Variants in DNM3 observed in about 807,000 individuals in gnomAD.
DNM3 encodes the protein dynamin-3.
In DNM3, 47 loss-of-function variants were observed where a neutral mutation model predicts 101.6. The ratio of observed to expected loss-of-function variants is 0.46; its 90% confidence interval spans 0.37 to 0.59. The LOEUF is 0.59. DNM3 is among the 20% of genes least tolerant of loss of function. The probability of loss-of-function intolerance (pLI) is 0.00; values close to 1 mark genes in which losing one functional copy is unlikely to be tolerated. For missense variants in DNM3, 849 were observed against 1,085.7 expected (o/e 0.78, Z 3.06); for synonymous variants, 385 against 387.9 (o/e 0.99, Z 0.09).
At chr1:171,922,044 A>G (rs1312935198) in intron 2 of DNM3, among the ~76,000 whole-genome samples, 1 of 152,144 alleles carries the variant, frequency 6.6e-6, no homozygotes, top group Non-Finnish European at 1.5e-5. Flanking sequence ...CCTACTTAAA[A>G]AAATGTTTTA....
chr1:172,398,615 T>C (rs1260843480), intron 20 of DNM3, among the ~76,000 whole-genome samples: 1 of 152,214 alleles, frequency 6.6e-6, no homozygotes, highest in Non-Finnish European at 1.5e-5. Context: ...CTTTCATTTA[T>C]AAACATTTTG....
chr1:172,316,918 C>G (rs1340935899), intron 16 of DNM3, among the ~76,000 whole-genome samples: 2 of 152,170 alleles, frequency 1.3e-5, no homozygotes, highest in East Asian at 1.9e-4. Context: ...CTCTCCACCC[C>G]AAATCAATAG....
At chr1:171,851,660 C>A (rs960373668) in intron 1 of DNM3, among the ~76,000 whole-genome samples, 1 of 152,166 alleles carries the variant, frequency 6.6e-6, no homozygotes, top group South Asian at 2.1e-4. Flanking sequence ...GTGATTTGCC[C>A]GCCTCTGCCT....
intron 14 of DNM3, among the ~76,000 whole-genome samples, chr1:172,162,180 A>C (rs1057262573): frequency 6.6e-6 from 1 of 152,100 alleles, no homozygotes; most frequent in Admixed American, 6.6e-5. Context: ...ATTGAGAAAC[A>C]ATGTGTAATT....
At chr1:172,127,628 C>T (rs1411005478) in intron 13 of DNM3, among the ~76,000 whole-genome samples, 2 of 151,748 alleles carry the variant, frequency 1.3e-5, no homozygotes, top group East Asian at 1.9e-4. Context: ...CCAGGATGGT[C>T]TCGATCCCCT....
chr1:171,937,508 G>T (rs1397393840), intron 2 of DNM3, among the ~76,000 whole-genome samples: 1 of 152,112 alleles, frequency 6.6e-6, no homozygotes, highest in African/African-American at 2.4e-5. Context: ...CAGACTCCTG[G>T]ACATCACCCC....
In DNM3 at chr1:172,075,095, T is replaced by G. The variant is rs1261808202; in HGVS notation, c.1422+6190T>G. On this transcript the variant is annotated intron_variant, in intron 11 of 20. Transcript: ENST00000627582. ...TGATGATGAGCTTTTTTTTCATATGTTTGTTGGCTGCATAAATGTCTTCTT... is the reference window on the plus strand; with the variant it reads ...TGATGATGAGCTTTTTTTTCATATGGTTGTTGGCTGCATAAATGTCTTCTT... 2.0e-5 allele frequency among the ~76,000 whole-genome samples: 3 copies of G among 152,220 alleles called. No homozygotes were observed. The East Asian group carries it at 5.8e-4, about 29-fold the overall frequency.
At chr1:172,389,518 A>C (rs989604676) in intron 20 of DNM3, among the ~76,000 whole-genome samples, 4 of 152,204 alleles carry the variant, frequency 2.6e-5, no homozygotes, top group African/African-American at 9.7e-5. Context: ...CTGTAGTCTC[A>C]CCTTCATATA....
intron 17 of DNM3, among the ~76,000 whole-genome samples, chr1:172,368,304 A>T (rs2068135454): frequency 6.6e-6 from 1 of 151,934 alleles, no homozygotes; most frequent in African/African-American, 2.4e-5. Context: ...ATAAAACTAG[A>T]AATCAAAATC....
At chr1:172,380,390 T>A (rs2068831254) in intron 18 of DNM3, among the ~76,000 whole-genome samples, 1 of 152,110 alleles carries the variant, frequency 6.6e-6, no homozygotes, top group South Asian at 2.1e-4. Context: ...CCATGATCTC[T>A]GCATTCCTTG....
intron 1 of DNM3, among the ~76,000 whole-genome samples, chr1:171,862,995 G>A (rs1018724369): frequency 4.6e-5 from 7 of 151,636 alleles, no homozygotes; most frequent in Admixed American, 4.6e-4. Flanking sequence ...ACAGTGTGTA[G>A]ATAACTCTTC....
chr1:172,160,030 GA>G (rs1444119051), intron 14 of DNM3, among the ~76,000 whole-genome samples: 1 of 126,470 alleles, frequency 7.9e-6, no homozygotes, highest in African/African-American at 2.9e-5. Context: ...GCCTAACAAA[GA>G]AAAACTACAG....
intron 4 of DNM3, among the ~76,000 whole-genome samples, chr1:172,019,960 T>A (rs548833751): frequency 6.6e-6 from 1 of 151,960 alleles, no homozygotes; most frequent in African/African-American, 2.4e-5. Context: ...AACATTAGAG[T>A]TAGAGTTCTG....
intron 1 of DNM3, among the ~76,000 whole-genome samples, chr1:171,871,530 G>A (rs988437746): frequency 1.3e-5 from 2 of 152,112 alleles, no homozygotes; most frequent in African/African-American, 2.4e-5. Context: ...TAGGATTCTC[G>A]CAAGAACTGT....
chr1:171,886,160 G>T (rs1025135660), intron 1 of DNM3, among the ~76,000 whole-genome samples: 2 of 152,130 alleles, frequency 1.3e-5, no homozygotes, highest in Admixed American at 6.5e-5. Context: ...CTGAAATGTT[G>T]GTTCTTGTAA....
rs144321720 is a variant in DNM3, at chr1:172,126,463, C to A, written c.1546-4712C>A. Among the ~76,000 whole-genome samples, 1,078 of 152,164 alleles carry A rather than the reference C, an allele frequency of 7.1e-3. 9 individuals are homozygous for A. The highest frequency in any genetic ancestry group is 0.014 in the Middle Eastern group (4 of 294). ...TATGTCCATTCTTTGAAAATTTTAACTGTTATTAGTAAAATTTTTAAATTT... is the reference window on the plus strand; with the variant it reads ...TATGTCCATTCTTTGAAAATTTTAAATGTTATTAGTAAAATTTTTAAATTT... On this transcript the variant is annotated intron_variant, in intron 13 of 20. Coordinates refer to ENST00000627582, the MANE Select transcript of DNM3 (RefSeq NM_015569.5).
chr1:172,412,819 G>A (rs1364065608), downstream of DNM3: 1 of 875,116 alleles, frequency 1.1e-6, no homozygotes, highest in Non-Finnish European at 1.4e-6. Context: ...AATTGTCCCA[G>A]AGTTACCAAA....
At chr1:172,154,178 C>T (rs530685026) in intron 14 of DNM3, among the ~76,000 whole-genome samples, 129 of 152,128 alleles carry the variant, frequency 8.5e-4, no homozygotes, top group Middle Eastern at 3.4e-3. Flanking sequence ...CAAATGGAAT[C>T]AGGTGAATAA....
In DNM3 at chr1:172,408,888, T is replaced by C. The variant is rs936017389; in HGVS notation, c.*1047T>C. Reference sequence around the variant, plus strand: ...TCTTGAGGCTATGGGATAATCACATTTAAAGAATGGTTCCTGAAATGAAGT... The same window carrying C: ...TCTTGAGGCTATGGGATAATCACATCTAAAGAATGGTTCCTGAAATGAAGT... On this transcript the variant is annotated 3_prime_UTR_variant, in exon 21 of 21. Transcript: ENST00000627582. 2.1e-5 allele frequency: 21 copies of C among 985,138 alleles called. No individual in the cohort carries two copies. In the African/African-American group the frequency reaches 3.5e-4, roughly 16 times the overall value. The allele number at this position is 985,138 out of a possible 1,614,324, so 61.0% of individuals were successfully genotyped here. A position where few individuals can be genotyped will look rare whatever the true frequency, so the allele number is the denominator to read the frequency against.
Sources: allele counts gnomAD v4.1 joint callset (sites outside exome capture counted in the v4.1 genomes callset), GRCh38; gene constraint gnomAD v4.1.1; transcripts MANE v1.5; gene names NCBI Gene and HGNC (gene_info 2026-07-23, HGNC 2026-07-21).